Variants in MID2 observed in about 807,000 individuals in gnomAD.
MID2 encodes midline 2.
Under a neutral mutation model 46.1 loss-of-function variants are expected in MID2, and 13 were observed. The ratio of observed to expected loss-of-function variants is 0.28; its 90% CI spans 0.18 to 0.45. MID2 has a LOEUF of 0.45. Among genes scored for constraint, MID2 ranks in the 20% least tolerant of loss-of-function variants. The pLI, the probability that MID2 is intolerant of heterozygous loss-of-function variation, is 1.00. For synonymous variants in MID2, 199 were observed against 212.3 expected (o/e 0.94, Z 0.55); for missense variants, 431 against 575.4 (o/e 0.75, Z 2.57).
At chrX:107,916,208 G>A (rs956016895) in intron 6 of MID2, 79 bp downstream of exon 6, 20 of 794,444 alleles carry the variant, frequency 2.5e-5, no homozygotes, top group Non-Finnish European at 3.4e-5. Context: ...ATTTGAAAAA[G>A]ACAATATTTA....
chrX:107,836,308 G>T (rs1276885364), intron 1 of MID2, among the ~76,000 whole-genome samples: 1 of 110,353 alleles, frequency 9.1e-6, no homozygotes, highest in African/African-American at 3.3e-5. Context: ...AGGCTGGAGT[G>T]CAATGACACG....
In MID2 at chrX:107,929,009, G is replaced by A. The variant is rs747031105; in HGVS notation, c.*1936G>A. On this transcript the variant is annotated 3_prime_UTR_variant, in exon 10 of 10. Coordinates refer to ENST00000262843, the MANE Select transcript of MID2 (RefSeq NM_012216.4). ...CCTAGTTTCTGTACCATTTATTAGCGTTGTGACCTAGGACAAGTACCTCAC... is the reference window on the plus strand; with the variant it reads ...CCTAGTTTCTGTACCATTTATTAGCATTGTGACCTAGGACAAGTACCTCAC... Among the ~76,000 whole-genome samples the A allele has an allele frequency of 5.4e-5, 6 of 111,544 alleles. No homozygotes were observed. The highest frequency in any genetic ancestry group is 9.5e-5 in the Admixed American group (1 of 10,518).
In MID2 at chrX:107,925,008, A is replaced by G. The variant is rs1463873976; in HGVS notation, c.1597+504A>G. On this transcript the variant is annotated intron_variant, in intron 8 of 9. Coordinates refer to ENST00000262843, the MANE Select transcript of MID2 (RefSeq NM_012216.4). ...TAATGCAGCTGCTCTGCGATGTCAT[A>G]AAAGATGCAGGCTCCTTCTCCCTGT... Among the ~76,000 whole-genome samples the G allele has an allele frequency of 6.2e-5, 7 of 112,741 alleles. No individual in the cohort carries two copies. The Admixed American group carries it at 6.6e-4, about 11-fold the overall frequency.
intron 3 of MID2, among the ~76,000 whole-genome samples, chrX:107,869,430 C>A (rs1370168307): frequency 1.8e-5 from 2 of 111,297 alleles, no homozygotes; most frequent in Non-Finnish European, 3.8e-5. Flanking sequence ...ATTTGTTTCT[C>A]CATATTTTTA....
At chrX:107,828,115 C>T (rs1204246969) in intron 1 of MID2, among the ~76,000 whole-genome samples, 1 of 109,825 alleles carries the variant, frequency 9.1e-6, no homozygotes, top group African/African-American at 3.3e-5. Flanking sequence ...GTGTGTGGCA[C>T]TTCCCCCCAG....
chrX:107,919,516 T>C (rs1933030195), intron 7 of MID2, among the ~76,000 whole-genome samples: 1 of 112,439 alleles, frequency 8.9e-6, no homozygotes. Flanking sequence ...TTTAGTTAGT[T>C]CCTATGTCCT....
At chrX:107,907,827 T>G (rs184869720) in intron 5 of MID2, among the ~76,000 whole-genome samples, 1 of 112,468 alleles carries the variant, frequency 8.9e-6, no homozygotes, top group Admixed American at 9.4e-5. Flanking sequence ...TAAGTCATAT[T>G]GCAAGAAATA....
rs900068535 is a variant in MID2, at chrX:107,826,306, G to T, written c.-121G>T. The T allele has an allele frequency of 1.7e-5, 14 of 831,756 alleles. No individual in the cohort carries two copies. The highest frequency in any genetic ancestry group is 4.6e-4 in the Middle Eastern group (1 of 2,174). The allele number at this position is 831,756 out of a possible 1,213,427, so 68.5% of individuals were successfully genotyped here. On this transcript the variant is annotated 5_prime_UTR_variant, in exon 1 of 10. Coordinates refer to ENST00000262843, the MANE Select transcript of MID2 (RefSeq NM_012216.4). ...CGGGCGGCGGCCTACAGTGGTAGCG[G>T]CGGCGGCGGCGACCGGGGCCCGGGA...
intron 1 of MID2, among the ~76,000 whole-genome samples, chrX:107,829,456 A>ACTCAGAGG (rs1286895785): frequency 1.8e-5 from 2 of 112,737 alleles, no homozygotes; most frequent in Non-Finnish European, 3.7e-5. Context: ...AGTCAGACTA[A>ACTCAGAGG]TTTGAAGACA....
At position 107,867,842 on chromosome X, in the gene MID2, A is replaced by G. The variant is rs2300104; in HGVS notation, c.816+13138A>G. 2.1e-4 allele frequency among the ~76,000 whole-genome samples: 24 copies of G among 111,812 alleles called. No individual in the cohort carries two copies. The East Asian group carries it at 6.1e-3, about 29-fold the overall frequency. On this transcript the variant is annotated intron_variant, in intron 3 of 9. Coordinates refer to ENST00000262843, the MANE Select transcript of MID2 (RefSeq NM_012216.4). ...GGAACATTAGAGAAGAATCAGATTT[A>G]ATGGAACAGGATGTAGGAAAGAGAC...
chrX:107,898,529 T>C (rs1602494471), intron 3 of MID2, among the ~76,000 whole-genome samples: 1 of 82,333 alleles, frequency 1.2e-5, no homozygotes, highest in African/African-American at 3.4e-5. Flanking sequence ...ACACCTTTAA[T>C]TGTATTCTAT....
At chrX:107,842,834 G>A (rs930847537) in intron 2 of MID2, among the ~76,000 whole-genome samples, 2 of 111,737 alleles carry the variant, frequency 1.8e-5, no homozygotes, top group Admixed American at 9.5e-5. Flanking sequence ...TAGTCGAAGC[G>A]CTCTACTTTA....
chrX:107,896,669 A>C (rs751551173), intron 3 of MID2, among the ~76,000 whole-genome samples: 5 of 112,684 alleles, frequency 4.4e-5, no homozygotes, highest in African/African-American at 1.3e-4. Context: ...ATGCATTTCT[A>C]TACAGGTACT....
At chrX:107,853,519 T>C (rs765030914) in intron 2 of MID2, among the ~76,000 whole-genome samples, 128 of 110,930 alleles carry the variant, frequency 1.2e-3, no homozygotes, top group Non-Finnish European at 9.6e-4. Flanking sequence ...AAGCTGGTCT[T>C]GAACTCCTGG....
At chrX:107,857,631 A>G (rs756131257) in intron 3 of MID2, among the ~76,000 whole-genome samples, 36 of 111,762 alleles carry the variant, frequency 3.2e-4, no homozygotes, top group Admixed American at 1.0e-3. Flanking sequence ...TATTATCCTC[A>G]TTCAACACAG....
At chrX:107,832,922 CA>C (rs1165897575) in intron 1 of MID2, among the ~76,000 whole-genome samples, 2 of 111,466 alleles carry the variant, frequency 1.8e-5, no homozygotes, top group Admixed American at 9.5e-5. Flanking sequence ...GTTTCTTTTA[CA>C]GCCCCCAAAT....
chrX:107,836,441 C>T (rs368808200), intron 1 of MID2, among the ~76,000 whole-genome samples: 72 of 110,894 alleles, frequency 6.5e-4, no homozygotes, highest in Non-Finnish European at 9.1e-4. Context: ...TTAGTAGAGA[C>T]GGGGTTTCAC....
At chrX:107,835,916 TG>T (rs1488520022) in intron 1 of MID2, among the ~76,000 whole-genome samples, 1 of 112,354 alleles carries the variant, frequency 8.9e-6, no homozygotes, top group Non-Finnish European at 1.9e-5. Flanking sequence ...TGGTGTCATC[TG>T]AGAAACTGTT....
In MID2 at chrX:107,931,122, C is replaced by G. The variant is rs909931646; in HGVS notation, c.*4049C>G. 1.8e-5 allele frequency among the ~76,000 whole-genome samples: 2 copies of G among 112,269 alleles called. No homozygotes were observed. The highest frequency in any genetic ancestry group is 6.5e-5 in the African/African-American group (2 of 30,946). On this transcript the variant is annotated 3_prime_UTR_variant, in exon 10 of 10. Transcript: ENST00000262843. ...GGCTAAAACACTCTAGGTGAATTTT[C>G]TAAACTTCCATGGTTTACATATTTA...
Sources: gnomAD v4.1 joint callset for allele counts (sites outside exome capture counted in the v4.1 genomes callset) on GRCh38, gnomAD v4.1.1 for gene constraint, MANE v1.5 for transcripts, NCBI Gene and HGNC (gene_info 2026-07-23, HGNC 2026-07-21) for gene names.